GLIS1: variants seen among roughly 807,000 people sequenced by gnomAD.
GLIS1 encodes GLIS family zinc finger 1.
GLIS1 carries 24 observed loss-of-function variants against 63.8 expected under a neutral mutation model. The observed-to-expected ratio is 0.38, with a 90% CI of 0.27 to 0.53. GLIS1 has a LOEUF of 0.53. Ranked by LOEUF, GLIS1 falls within the 20% of genes least tolerant of loss-of-function variation. The pLI is 0.85. For missense variants in GLIS1, 1,036 were observed against 1,074.1 expected (o/e 0.96, Z 0.50); for synonymous variants, 450 against 482.5 (o/e 0.93, Z 0.88).
At chr1:53,700,396 T>A (rs1570071301) in intron 2 of GLIS1, among the ~76,000 whole-genome samples, 1 of 152,102 alleles carries the variant, frequency 6.6e-6, no homozygotes, top group Non-Finnish European at 1.5e-5. Flanking sequence ...AAGCTCTGGG[T>A]TTCTTCCTGT....
intron 2 of GLIS1, among the ~76,000 whole-genome samples, chr1:53,614,857 C>T (rs1370993821): frequency 1.3e-5 from 2 of 151,728 alleles, no homozygotes; most frequent in African/African-American, 4.9e-5. Context: ...CGGACTCTCA[C>T]CCTCTCACAC....
intron 2 of GLIS1, among the ~76,000 whole-genome samples, chr1:53,682,739 A>G (rs1033190274): frequency 3.3e-5 from 5 of 152,252 alleles, no homozygotes; most frequent in Non-Finnish European, 5.9e-5. Flanking sequence ...AGCTCATTCA[A>G]TCAGACCAGA....
intron 2 of GLIS1, among the ~76,000 whole-genome samples, chr1:53,713,038 G>A (rs1006327260): frequency 1.3e-5 from 2 of 152,200 alleles, no homozygotes; most frequent in African/African-American, 4.8e-5. Flanking sequence ...AGTATCAAGA[G>A]AAATACCAAA....
intron 4 of GLIS1, among the ~76,000 whole-genome samples, chr1:53,592,588 G>A (rs1645203093): frequency 6.6e-6 from 1 of 152,214 alleles, no homozygotes; most frequent in Non-Finnish European, 1.5e-5. Context: ...CTAGGCAGGG[G>A]CATGTGTCAC....
At chr1:53,699,704 G>A (rs1040813995) in intron 2 of GLIS1, among the ~76,000 whole-genome samples, 3 of 152,180 alleles carry the variant, frequency 2.0e-5, no homozygotes, top group African/African-American at 4.8e-5. Context: ...GCAAGTCCGG[G>A]ATCAAGATGC....
intron 2 of GLIS1, among the ~76,000 whole-genome samples, chr1:53,632,272 G>T (rs947762508): frequency 6.6e-6 from 1 of 150,400 alleles, no homozygotes; most frequent in African/African-American, 2.5e-5. Flanking sequence ...AGGGGCATGT[G>T]AATGAGTGTG....
intron 4 of GLIS1, among the ~76,000 whole-genome samples, chr1:53,572,966 G>A (rs774457508): frequency 1.3e-5 from 2 of 152,200 alleles, no homozygotes; most frequent in Non-Finnish European, 2.9e-5. Context: ...GCTCAAAAGT[G>A]TTAGTGTGCT....
chr1:53,594,843 C>T lies in GLIS1; in HGVS notation c.585G>A (p.Leu195=). Reference sequence around the variant, plus strand: ...GGCCCGGGAGGTCCAGGTCTGGGTGCAGGCCAGTGGCCAGCGGGCCCCGAC... The same window carrying T: ...GGCCCGGGAGGTCCAGGTCTGGGTGTAGGCCAGTGGCCAGCGGGCCCCGAC... ...AHCRGPLATG[L]HPDLDLPGRS... The change falls in exon 4 of 11, where the codon CTG becomes CTA. Residue 195 remains leucine, a synonymous_variant. Transcript: ENST00000628545. 6.2e-7 allele frequency: 1 copy of T among 1,600,882 alleles called. No individual in the cohort carries two copies. Among genetic ancestry groups the T allele is most frequent in the Non-Finnish European group, 8.5e-7 (1 of 1,176,086 alleles).
intron 2 of GLIS1, among the ~76,000 whole-genome samples, chr1:53,640,533 G>T (rs1199193211): frequency 2.0e-5 from 3 of 152,150 alleles, no homozygotes; most frequent in Non-Finnish European, 4.4e-5. Context: ...GTGGAGCCTG[G>T]ATCTCCTGCC....
intron 2 of GLIS1, among the ~76,000 whole-genome samples, chr1:53,632,070 G>A (rs1346443615): frequency 6.6e-6 from 1 of 151,772 alleles, no homozygotes; most frequent in East Asian, 1.9e-4. Context: ...TGCGGGATGT[G>A]TGAATGAGTG....
intron 2 of GLIS1, among the ~76,000 whole-genome samples, chr1:53,650,135 A>G (rs948353419): frequency 6.6e-6 from 1 of 152,206 alleles, no homozygotes; most frequent in Non-Finnish European, 1.5e-5. Flanking sequence ...TTCAAGTCAC[A>G]GTTTGGGTGG....
intron 2 of GLIS1, among the ~76,000 whole-genome samples, chr1:53,624,014 T>C (rs969864712): frequency 5.3e-5 from 8 of 152,222 alleles, no homozygotes; most frequent in African/African-American, 1.7e-4. Flanking sequence ...AAGACTCCAG[T>C]AGGCTTTTTG....
intron 4 of GLIS1, among the ~76,000 whole-genome samples, chr1:53,576,202 A>G (rs1223773843): frequency 6.6e-6 from 1 of 151,908 alleles, no homozygotes; most frequent in Non-Finnish European, 1.5e-5. Context: ...GCCCAGCCAC[A>G]TTGGGTGACT....
intron 2 of GLIS1, among the ~76,000 whole-genome samples, chr1:53,607,934 TAG>T (rs2100565882): frequency 6.6e-6 from 1 of 150,914 alleles, no homozygotes; most frequent in Non-Finnish European, 1.5e-5. Flanking sequence ...ACGGAGAAAG[TAG>T]AGTGAGCTCT....
Position 53,653,893 on chromosome 1 carries a change from G to A in GLIS1, c.260-53615C>T, listed in dbSNP as rs116108109. 3.9e-3 allele frequency among the ~76,000 whole-genome samples: 593 copies of A among 152,340 alleles called. 7 individuals are homozygous for A. The highest frequency in any genetic ancestry group is 0.014 in the African/African-American group (567 of 41,578). ...GCCAGCAGTGGGTGAGGAGGAAGAA[G>A]TGCTCCCGAAGGAGAAGTATCCACC... On this transcript the variant is annotated intron_variant, in intron 2 of 10. Transcript: ENST00000628545.
intron 2 of GLIS1, among the ~76,000 whole-genome samples, chr1:53,659,676 G>C (rs552239481): frequency 4.6e-5 from 7 of 152,154 alleles, no homozygotes; most frequent in African/African-American, 1.7e-4. Flanking sequence ...AATCCCCAAG[G>C]CTCTGCAGCA....
Position 53,633,385 on chromosome 1 carries a change from TTGTGAATGAGTGTGACTGAGGGGTG to T in GLIS1, c.260-33132_260-33108del, listed in dbSNP as rs1645689295. ...ATGTGAATGAGTGTGACTGAGGGGC[TTGTGAATGAGTGTGACTGAGGGGTG>T]TGTGTATGAGTGTGACTGAGGGGTG... On this transcript the variant is annotated intron_variant, in intron 2 of 10. Transcript: ENST00000628545. Among the ~76,000 whole-genome samples, 5 of 111,744 alleles carry T rather than the reference TTGTGAATGAGTGTGACTGAGGGGTG, an allele frequency of 4.5e-5. No homozygotes were observed. In the East Asian group the frequency reaches 8.7e-4, roughly 20 times the overall value. 73.3% of individuals were successfully genotyped at this position (111,744 alleles called of 152,430 possible). A position where few individuals can be genotyped will look rare whatever the true frequency, so the allele number is the denominator to read the frequency against.
intron 2 of GLIS1, among the ~76,000 whole-genome samples, chr1:53,669,630 A>C (rs1421655203): frequency 6.6e-6 from 1 of 152,228 alleles, no homozygotes; most frequent in African/African-American, 2.4e-5. Context: ...GACACATCCC[A>C]GCCCCTGTGG....
intron 2 of GLIS1, among the ~76,000 whole-genome samples, chr1:53,632,443 T>TG (rs1645666093): frequency 7.3e-6 from 1 of 136,350 alleles, no homozygotes; most frequent in Non-Finnish European, 1.6e-5. Context: ...CTGAGGGGTG[T>TG]AATGAGTGTG....
Sources: allele counts gnomAD v4.1 joint callset (sites outside exome capture counted in the v4.1 genomes callset), GRCh38; gene constraint gnomAD v4.1.1; transcripts MANE v1.5; gene names NCBI Gene and HGNC (gene_info 2026-07-23, HGNC 2026-07-21).